The following FBXL7 variants were observed in gnomAD, a reference collection of about 807,000 sequenced individuals.
The protein encoded by FBXL7 is F-box/LRR-repeat protein 7.
In FBXL7, 12 loss-of-function variants were observed where a neutral mutation model predicts 38.3. The ratio of observed to expected loss-of-function variants is 0.31; its 90% confidence interval spans 0.20 to 0.51. The LOEUF (loss-of-function observed/expected upper bound fraction) is 0.51. Ranked by LOEUF, FBXL7 falls within the 20% of genes least tolerant of loss-of-function variation. The pLI, the probability that FBXL7 is intolerant of heterozygous loss-of-function variation, is 0.98. For synonymous variants in FBXL7, 297 were observed against 300.9 expected (o/e 0.99, Z 0.13); for missense variants, 567 against 676.4 (o/e 0.84, Z 1.79).
At chr5:15,632,399 G>A (rs1478432447) in intron 2 of FBXL7, among the ~76,000 whole-genome samples, 7 of 152,126 alleles carry the variant, frequency 4.6e-5, no homozygotes, top group East Asian at 1.9e-4. Flanking sequence ...CACTAAAAAC[G>A]TGTTAGATGC....
intron 2 of FBXL7, among the ~76,000 whole-genome samples, chr5:15,679,607 G>A (rs1433852129): frequency 7.0e-6 from 1 of 142,276 alleles, no homozygotes; most frequent in Non-Finnish European, 1.5e-5. Context: ...CACTCAAATA[G>A]ACATGCCAAA....
At chr5:15,645,776 A>G (rs1241910236) in intron 2 of FBXL7, among the ~76,000 whole-genome samples, 6 of 152,204 alleles carry the variant, frequency 3.9e-5, no homozygotes, top group Non-Finnish European at 8.8e-5. Context: ...CAATAGGCTT[A>G]TTTGGTTCAG....
intron 2 of FBXL7, among the ~76,000 whole-genome samples, chr5:15,718,358 A>G (rs547560355): frequency 4.6e-5 from 7 of 152,308 alleles, no homozygotes; most frequent in South Asian, 2.1e-4. Flanking sequence ...TTCTTTAGAT[A>G]TTAGTCAAAA....
At chr5:15,598,691 T>C (rs1443109008) in intron 1 of FBXL7, among the ~76,000 whole-genome samples, 1 of 152,184 alleles carries the variant, frequency 6.6e-6, no homozygotes, top group Admixed American at 6.6e-5. Flanking sequence ...GGCCTATGGT[T>C]ATATCCAGAG....
At chr5:15,639,379 G>A (rs937621674) in intron 2 of FBXL7, among the ~76,000 whole-genome samples, 4 of 152,006 alleles carry the variant, frequency 2.6e-5, no homozygotes, top group Admixed American at 6.6e-5. Context: ...CATGGGGGTG[G>A]GTCTTTCCCA....
At chr5:15,606,560 A>G (rs1268934541) in intron 1 of FBXL7, among the ~76,000 whole-genome samples, 1 of 152,238 alleles carries the variant, frequency 6.6e-6, no homozygotes, top group African/African-American at 2.4e-5. Context: ...ACCAGTTAGG[A>G]CATTCAGTGT....
intron 2 of FBXL7, among the ~76,000 whole-genome samples, chr5:15,668,684 C>T (rs1742363313): frequency 6.6e-6 from 1 of 152,052 alleles, no homozygotes; most frequent in Admixed American, 6.6e-5. Context: ...CTCCATTTGC[C>T]CTGGCCTGCT....
chr5:15,836,588 T>C (rs1054804069), intron 2 of FBXL7, among the ~76,000 whole-genome samples: 4 of 152,078 alleles, frequency 2.6e-5, no homozygotes, highest in African/African-American at 9.7e-5. Flanking sequence ...AGTGTCAAGC[T>C]TCTAGGTGGG....
At chr5:15,792,030 A>C (rs1445646064) in intron 2 of FBXL7, among the ~76,000 whole-genome samples, 6 of 152,310 alleles carry the variant, frequency 3.9e-5, no homozygotes, top group African/African-American at 1.2e-4. Context: ...TTAATCCTTA[A>C]GGAGTGAATC....
intron 2 of FBXL7, among the ~76,000 whole-genome samples, chr5:15,733,632 C>T (rs1379080500): frequency 6.6e-6 from 1 of 152,038 alleles, no homozygotes; most frequent in East Asian, 1.9e-4. Context: ...TGGAGTCTGA[C>T]ATAAATATAA....
At chr5:15,598,030 G>C (rs760017562) in intron 1 of FBXL7, among the ~76,000 whole-genome samples, 30 of 152,154 alleles carry the variant, frequency 2.0e-4, no homozygotes, top group Admixed American at 1.3e-4. Context: ...CTTAACTTAG[G>C]TTATGACCGC....
intron 2 of FBXL7, among the ~76,000 whole-genome samples, chr5:15,779,768 T>G (rs995129449): frequency 6.6e-6 from 1 of 152,210 alleles, no homozygotes; most frequent in Non-Finnish European, 1.5e-5. Context: ...AGTTTTTGAT[T>G]TATAGCTTTG....
chr5:15,778,803 C>G (rs918514034), intron 2 of FBXL7, among the ~76,000 whole-genome samples: 3 of 151,956 alleles, frequency 2.0e-5, no homozygotes, highest in African/African-American at 7.2e-5. Context: ...TTCCAGAAGC[C>G]AAATAAAACC....
At chr5:15,580,486 C>T (rs1041562754) in intron 1 of FBXL7, 2 of 292,992 alleles carry the variant, frequency 6.8e-6, no homozygotes, top group Non-Finnish European at 1.0e-5. Flanking sequence ...GGTCAATATG[C>T]CATACACTGG....
Position 15,928,046 on chromosome 5 carries a change from G to T in FBXL7, c.284G>T (p.Arg95Leu), listed in dbSNP as rs759732541. Residue 95 changes from arginine to leucine, a missense_variant, in exon 3 of 4, where the codon CGC (arginine) becomes CTC (leucine). Coordinates refer to ENST00000504595, the MANE Select transcript of FBXL7 (RefSeq NM_012304.5). The surrounding 1 kb of genome is among the most constrained non-coding windows in gnomAD (Gnocchi z 4.0). ...ATGGTGCACTCCCCGCCCCCGACCC[G>T]CCTCACACACCCGCTCATCCGGCTC... Reference protein sequence around the residue: ...VAMVHSPPPTRLTHPLIRLAS... With the variant: ...VAMVHSPPPTLLTHPLIRLAS... 7.1e-6 allele frequency: 10 copies of T among 1,414,674 alleles called. No individual in the cohort carries two copies. The highest frequency in any genetic ancestry group is 9.3e-6 in the Non-Finnish European group (10 of 1,077,900). 87.6% of individuals were successfully genotyped at this position (1,414,674 alleles called of 1,614,324 possible).
chr5:15,555,427 C>T (rs961410388), intron 1 of FBXL7, among the ~76,000 whole-genome samples: 6 of 152,116 alleles, frequency 3.9e-5, no homozygotes, highest in South Asian at 2.1e-4. Context: ...GGTTACAAGC[C>T]GTAGTTGGGC....
chr5:15,923,854 C>T (rs932862827), intron 2 of FBXL7, among the ~76,000 whole-genome samples: 1 of 152,026 alleles, frequency 6.6e-6, no homozygotes, highest in East Asian at 1.9e-4. Flanking sequence ...CCTCCCCCCT[C>T]CGCCCCCATG....
chr5:15,844,290 T>C (rs1199680236), intron 2 of FBXL7, among the ~76,000 whole-genome samples: 1 of 152,230 alleles, frequency 6.6e-6, no homozygotes, highest in Non-Finnish European at 1.5e-5. Context: ...ATCGGAGGTC[T>C]GCTTCCACTT....
At chr5:15,819,575 G>C (rs965594718) in intron 2 of FBXL7, among the ~76,000 whole-genome samples, 8 of 152,080 alleles carry the variant, frequency 5.3e-5, no homozygotes, top group African/African-American at 1.9e-4. Flanking sequence ...TCTGATATTT[G>C]AAAACAAAGG....
Sources: allele counts gnomAD v4.1 joint callset (sites outside exome capture counted in the v4.1 genomes callset), GRCh38; gene constraint gnomAD v4.1.1; non-coding constraint Gnocchi (gnomAD v3.1); transcripts MANE v1.5; gene names NCBI Gene and HGNC (gene_info 2026-07-23, HGNC 2026-07-21).